The following ZNF609 variants were observed in gnomAD, a reference collection of about 807,000 sequenced individuals.
The protein encoded by ZNF609 is zinc finger protein 609.
In ZNF609, 11 loss-of-function variants were observed where a neutral mutation model predicts 109.5. That is an observed-to-expected ratio of 0.10 (90% CI 0.06 to 0.17). ZNF609 has a LOEUF of 0.17. ZNF609 is among the 10% of genes least tolerant of loss of function. ZNF609 has a pLI of 1.00. For missense variants in ZNF609, 1,559 were observed against 1,772.4 expected (o/e 0.88, Z 2.16); for synonymous variants, 646 against 662.0 (o/e 0.98, Z 0.37).
At chr15:64,469,924 C>T (rs1212940482) in intron 1 of ZNF609, among the ~76,000 whole-genome samples, 2 of 152,102 alleles carry the variant, frequency 1.3e-5, no homozygotes, top group Non-Finnish European at 2.9e-5. Flanking sequence ...TAAATTCAGT[C>T]AAGGATCTAA....
chr15:64,547,288 C>G (rs761588789), intron 2 of ZNF609, among the ~76,000 whole-genome samples: 1 of 152,052 alleles, frequency 6.6e-6, no homozygotes, highest in Non-Finnish European at 1.5e-5. Context: ...ATTGGACTTA[C>G]TCAACTTTAG....
intron 2 of ZNF609, among the ~76,000 whole-genome samples, chr15:64,512,682 T>C (rs1893750900): frequency 6.6e-6 from 1 of 152,160 alleles, no homozygotes; most frequent in Admixed American, 6.6e-5. Flanking sequence ...TACAATTTAT[T>C]TGAAATCAAA....
At chr15:64,508,954 A>C (rs1371123394) in intron 2 of ZNF609, among the ~76,000 whole-genome samples, 2 of 152,104 alleles carry the variant, frequency 1.3e-5, no homozygotes, top group Non-Finnish European at 2.9e-5. Context: ...TTGGCCTCCC[A>C]AAGTGTTGGG....
chr15:64,514,702 G>A (rs1893782110), intron 2 of ZNF609, among the ~76,000 whole-genome samples: 1 of 151,148 alleles, frequency 6.6e-6, no homozygotes, highest in South Asian at 2.1e-4. Flanking sequence ...GCAGTGGCGC[G>A]ATCTGGATTC....
At chr15:64,556,578 C>A (rs564138215) in intron 2 of ZNF609, among the ~76,000 whole-genome samples, 7 of 152,022 alleles carry the variant, frequency 4.6e-5, no homozygotes, top group Non-Finnish European at 8.8e-5. Flanking sequence ...GATCAGTTTC[C>A]CAACCCTAAT....
At chr15:64,541,418 C>T (rs1188654636) in intron 2 of ZNF609, among the ~76,000 whole-genome samples, 2 of 138,574 alleles carry the variant, frequency 1.4e-5, no homozygotes, top group African/African-American at 2.8e-5. Flanking sequence ...CAGAGCGAGA[C>T]TCCGTCTCAA....
intron 5 of ZNF609, among the ~76,000 whole-genome samples, chr15:64,676,814 C>T (rs1001849526): frequency 5.6e-5 from 8 of 143,856 alleles, no homozygotes; most frequent in South Asian, 2.2e-4. Flanking sequence ...AATGCACTGG[C>T]GCAATCTCAG....
intron 2 of ZNF609, among the ~76,000 whole-genome samples, chr15:64,580,831 C>A (rs975556081): frequency 6.6e-6 from 1 of 151,760 alleles, no homozygotes; most frequent in Non-Finnish European, 1.5e-5. Flanking sequence ...CCACGCCCAG[C>A]CTCTCAGTTC....
intron 2 of ZNF609, among the ~76,000 whole-genome samples, chr15:64,592,583 T>C (rs1237588346): frequency 6.9e-6 from 1 of 144,534 alleles, no homozygotes; most frequent in Non-Finnish European, 1.5e-5. Flanking sequence ...CTCAAAAAAA[T>C]AATAATGGTA....
intron 2 of ZNF609, among the ~76,000 whole-genome samples, chr15:64,514,744 T>C (rs551348952): frequency 6.6e-6 from 1 of 152,026 alleles, no homozygotes; most frequent in East Asian, 1.9e-4. Context: ...ATTCAAGCAA[T>C]TCTCCTGCCT....
chr15:64,649,147 G>GA (rs537880209), intron 3 of ZNF609, among the ~76,000 whole-genome samples: 38 of 147,302 alleles, frequency 2.6e-4, no homozygotes, highest in Admixed American at 5.4e-4. Context: ...TGAATTTTGA[G>GA]AAAAAAAAAA....
At chr15:64,546,467 C>G (rs545952375) in intron 2 of ZNF609, among the ~76,000 whole-genome samples, 2 of 148,888 alleles carry the variant, frequency 1.3e-5, no homozygotes, top group Non-Finnish European at 3.0e-5. Context: ...GTGCCTTGTT[C>G]TGTCACCAGT....
chr15:64,524,068 C>CTT (rs575353889), intron 2 of ZNF609, among the ~76,000 whole-genome samples: 11 of 134,474 alleles, frequency 8.2e-5, no homozygotes, highest in Non-Finnish European at 1.5e-4. Context: ...TTCATGTTTT[C>CTT]TTTTTTTTTT....
chr15:64,607,245 A>G (rs1221178906), intron 2 of ZNF609, among the ~76,000 whole-genome samples: 1 of 152,078 alleles, frequency 6.6e-6, no homozygotes, highest in Non-Finnish European at 1.5e-5. Context: ...ATATCAAGGA[A>G]TAATATCCAC....
intron 2 of ZNF609, among the ~76,000 whole-genome samples, chr15:64,578,562 G>A (rs542113716): frequency 1.2e-4 from 19 of 152,134 alleles, no homozygotes; most frequent in Admixed American, 2.6e-4. Flanking sequence ...GTGTGGTGGC[G>A]TGCACCTGTA....
At chr15:64,499,265 A>T in intron 1 of ZNF609, 28 bp from the exon 2 acceptor site, 1 of 1,000,430 alleles carries the variant, frequency 1.0e-6, no homozygotes, top group Non-Finnish European at 1.4e-6. Flanking sequence ...TGTTTCTTTT[A>T]ACAGCTTTTT....
At chr15:64,489,305 C>T (rs1476065501) in intron 1 of ZNF609, among the ~76,000 whole-genome samples, 2 of 151,806 alleles carry the variant, frequency 1.3e-5, no homozygotes, top group Non-Finnish European at 2.9e-5. Flanking sequence ...CCTGCCTCAG[C>T]CTCCTGAGTA....
chr15:64,573,317 T>C (rs897380029), intron 2 of ZNF609, among the ~76,000 whole-genome samples: 12 of 149,578 alleles, frequency 8.0e-5, no homozygotes, highest in African/African-American at 2.9e-4. Context: ...GTGCAAGTAA[T>C]TCTGCAGTAG....
At position 64,477,297 on chromosome 15, in the gene ZNF609, C is replaced by T. The variant is rs1051601362; in HGVS notation, c.-128+16459C>T. On this transcript the variant is annotated intron_variant, in intron 1 of 9. Coordinates refer to ENST00000326648, the MANE Select transcript of ZNF609 (RefSeq NM_015042.2). ...CTGGGACTACAGGCGCCTGCCCCCA[C>T]ACCCAGCTAATTTTTTGTATTTTTA... Among the ~76,000 whole-genome samples, 3 of 151,922 alleles carry T rather than the reference C, an allele frequency of 2.0e-5. No homozygotes were observed. The South Asian group carries it at 6.3e-4, about 32-fold the overall frequency.
Sources: allele counts gnomAD v4.1 joint callset (sites outside exome capture counted in the v4.1 genomes callset), GRCh38; gene constraint gnomAD v4.1.1; transcripts MANE v1.5; gene names NCBI Gene and HGNC (gene_info 2026-07-23, HGNC 2026-07-21).